EXOC6B: variants seen among roughly 807,000 people sequenced by gnomAD.
EXOC6B encodes the protein exocyst complex component 6B.
A neutral mutation model predicts 113.5 loss-of-function variants in EXOC6B; 54 were observed. The ratio of observed to expected loss-of-function variants is 0.48; its 90% confidence interval spans 0.38 to 0.60. The LOEUF is 0.60. Ranked by LOEUF, EXOC6B falls within the 20% of genes least tolerant of loss-of-function variation. EXOC6B has a pLI of 0.00. For synonymous variants in EXOC6B, 357 were observed against 339.0 expected (o/e 1.05, Z -0.58); for missense variants, 797 against 977.5 (o/e 0.82, Z 2.46).
At chr2:72,422,920 C>T (rs1157863968) in intron 18 of EXOC6B, among the ~76,000 whole-genome samples, 1 of 152,138 alleles carries the variant, frequency 6.6e-6, no homozygotes, top group Non-Finnish European at 1.5e-5. Flanking sequence ...TACCAATCAG[C>T]AGGATGTGGG....
intron 6 of EXOC6B, among the ~76,000 whole-genome samples, chr2:72,613,860 T>C (rs1241400294): frequency 2.0e-5 from 3 of 152,146 alleles, no homozygotes; most frequent in African/African-American, 7.2e-5. Context: ...TGGCCTATAG[T>C]CAGTAAGCTT....
At chr2:72,504,106 C>G (rs945778663) in intron 11 of EXOC6B, among the ~76,000 whole-genome samples, 2 of 152,042 alleles carry the variant, frequency 1.3e-5, no homozygotes, top group African/African-American at 4.8e-5. Flanking sequence ...TGGTGTCTCA[C>G]TAAGTTGCCC....
At chr2:72,640,239 T>G in intron 6 of EXOC6B, among the ~76,000 whole-genome samples, 1 of 152,108 alleles carries the variant, frequency 6.6e-6, no homozygotes, top group Non-Finnish European at 1.5e-5. Flanking sequence ...ATTATTAATA[T>G]CAAAATGAAC....
chr2:72,798,977 G>C lies in EXOC6B; in HGVS notation c.113+26821C>G, dbSNP rs191707494. On this transcript the variant is annotated intron_variant, in intron 1 of 21. Transcript: ENST00000272427. ...TCTAAGGTTGGGTGTGGTGGCTCACGCCTGTAATCCCAGCACCTTAGGAGG... is the reference window on the plus strand; with the variant it reads ...TCTAAGGTTGGGTGTGGTGGCTCACCCCTGTAATCCCAGCACCTTAGGAGG... 1.3e-5 allele frequency among the ~76,000 whole-genome samples: 2 copies of C among 152,026 alleles called. 1 individual carries two copies. Among genetic ancestry groups the C allele is most frequent in the Middle Eastern group, 6.4e-3 (2 of 314 alleles).
intron 6 of EXOC6B, among the ~76,000 whole-genome samples, chr2:72,594,165 C>T (rs1276030444): frequency 6.6e-6 from 1 of 152,038 alleles, no homozygotes. Flanking sequence ...AAATTTTTTA[C>T]AGAGACAGGG....
At chr2:72,446,530 CA>C (rs1696594198) in intron 18 of EXOC6B, among the ~76,000 whole-genome samples, 1 of 152,072 alleles carries the variant, frequency 6.6e-6, no homozygotes, top group African/African-American at 2.4e-5. Context: ...AACAGAAAAC[CA>C]AACACCCATG....
chr2:72,259,065 A>G (rs902318234), intron 20 of EXOC6B, among the ~76,000 whole-genome samples: 2 of 152,228 alleles, frequency 1.3e-5, no homozygotes, highest in Non-Finnish European at 2.9e-5. Context: ...AAATTTATAT[A>G]TGATGAAATG....
intron 6 of EXOC6B, among the ~76,000 whole-genome samples, chr2:72,604,371 T>TA (rs776415375): frequency 4.6e-5 from 7 of 152,218 alleles, no homozygotes; most frequent in Non-Finnish European, 8.8e-5. Context: ...AGAAAATTCC[T>TA]ACCATCCTTT....
intron 11 of EXOC6B, among the ~76,000 whole-genome samples, chr2:72,512,367 A>AGAAGGAAGGAAGGAAGGAAGGAAGGAAG (rs1281809681): frequency 7.3e-5 from 1 of 13,628 alleles, no homozygotes; most frequent in African/African-American, 1.8e-4. Flanking sequence ...AAGGAAGGAA[A>AGAAGGAAGGAAGGAAGGAAGGAAGGAAG]GAAGGAAGGA....
At chr2:72,782,125 G>A (rs1244801969) in intron 1 of EXOC6B, among the ~76,000 whole-genome samples, 1 of 147,470 alleles carries the variant, frequency 6.8e-6, no homozygotes, top group Non-Finnish European at 1.5e-5. Flanking sequence ...GGGCAACAGA[G>A]CGAGACTCAC....
At chr2:72,258,557 T>TAAGGGTCTC (rs1683501495) in intron 20 of EXOC6B, among the ~76,000 whole-genome samples, 1 of 151,566 alleles carries the variant, frequency 6.6e-6, no homozygotes. Flanking sequence ...TTTATAGAGA[T>TAAGGGTCTC]AAGGGTCTCC....
rs79838053 is a variant in EXOC6B at position 72,811,355 on chromosome 2, T to C, written c.113+14443A>G. Among the ~76,000 whole-genome samples the C allele has an allele frequency of 5.7e-3, 870 of 152,236 alleles. 7 individuals are homozygous for C. The highest frequency in any genetic ancestry group is 0.02 in the African/African-American group (842 of 41,560). ...GGCACGATAAATTTAACAACTTAAA[T>C]GAAATAAACCAATTCCTCAAAAAAT... On this transcript the variant is annotated intron_variant, in intron 1 of 21. Transcript: ENST00000272427.
intron 8 of EXOC6B, among the ~76,000 whole-genome samples, chr2:72,550,908 AT>A (rs1254862534): frequency 1.9e-4 from 27 of 141,290 alleles, no homozygotes; most frequent in South Asian, 4.5e-4. Flanking sequence ...ACTGCCATTT[AT>A]TTTTTTTTTA....
chr2:72,508,184 A>C (rs1517182), intron 11 of EXOC6B, among the ~76,000 whole-genome samples: 63,499 of 89,948 alleles, frequency 0.71, 24,389 homozygotes, highest in East Asian at 0.95. Context: ...AAAAAAAAAA[A>C]ACACCTAAAA....
At chr2:72,732,535 G>A (rs1371108226) in intron 3 of EXOC6B, among the ~76,000 whole-genome samples, 3 of 152,094 alleles carry the variant, frequency 2.0e-5, no homozygotes, top group African/African-American at 7.2e-5. Flanking sequence ...GGTAGATGGA[G>A]GGGATACAGC....
chr2:72,575,547 T>A lies in EXOC6B; in HGVS notation c.791A>T (p.Lys264Met). 1 of 1,611,350 alleles carries A rather than the reference T, an allele frequency of 6.2e-7. No individual in the cohort carries two copies. Among genetic ancestry groups the A allele is most frequent in the African/African-American group, 1.3e-5 (1 of 74,858 alleles). Residue 264 changes from lysine (K) to methionine (M), a missense_variant, in exon 7 of 22, where the codon AAG becomes ATG. Coordinates refer to ENST00000272427, the MANE Select transcript of EXOC6B (RefSeq NM_015189.3). ...FDTEIESTSPKSEQDSGILDV... is the reference protein window; with the variant it reads ...FDTEIESTSPMSEQDSGILDV... ...CAGAATTCCTGAATCCTGTTCAGACTTCGGACTAGTACTTTCTATCTCTGT... is the reference window on the plus strand; with the variant it reads ...CAGAATTCCTGAATCCTGTTCAGACATCGGACTAGTACTTTCTATCTCTGT...
chr2:72,672,553 A>G (rs1675973199), intron 6 of EXOC6B, among the ~76,000 whole-genome samples: 1 of 149,736 alleles, frequency 6.7e-6, no homozygotes, highest in Non-Finnish European at 1.5e-5. Flanking sequence ...TCTCAAAAAA[A>G]AAAAAAAAAA....
chr2:72,193,728 T>C (rs1457366735), intron 20 of EXOC6B, among the ~76,000 whole-genome samples: 1 of 152,132 alleles, frequency 6.6e-6, no homozygotes, highest in Non-Finnish European at 1.5e-5. Context: ...GCAAGGAATC[T>C]GACATGGCTA....
At chr2:72,221,892 A>C (rs1461157215) in intron 20 of EXOC6B, among the ~76,000 whole-genome samples, 1 of 152,190 alleles carries the variant, frequency 6.6e-6, no homozygotes, top group Non-Finnish European at 1.5e-5. Context: ...CTCTGTGACT[A>C]AATTCTTTTA....
Sources: gnomAD v4.1 joint callset for allele counts (sites outside exome capture counted in the v4.1 genomes callset) on GRCh38, gnomAD v4.1.1 for gene constraint, MANE v1.5 for transcripts, NCBI Gene and HGNC (gene_info 2026-07-23, HGNC 2026-07-21) for gene names.